Variants in GRM8 observed in about 807,000 individuals in gnomAD.
GRM8 encodes the protein metabotropic glutamate receptor 8.
Under a neutral mutation model 87.2 loss-of-function variants are expected in GRM8, and 47 were observed. The ratio of observed to expected loss-of-function variants is 0.54; its 90% CI spans 0.43 to 0.69. GRM8 has a LOEUF of 0.69. GRM8 is among the 30% of genes least tolerant of loss of function. The pLI, the probability that GRM8 is intolerant of heterozygous loss-of-function variation, is 0.00. For synonymous variants in GRM8, 396 were observed against 404.5 expected (o/e 0.98, Z 0.25); for missense variants, 1,019 against 1,139.2 (o/e 0.89, Z 1.52).
At chr7:126,755,286 T>A (rs888967023) in intron 7 of GRM8, among the ~76,000 whole-genome samples, 1 of 151,998 alleles carries the variant, frequency 6.6e-6, no homozygotes, top group African/African-American at 2.4e-5. Context: ...AGATAGTTTC[T>A]GTGTATAAGA....
intron 7 of GRM8, among the ~76,000 whole-genome samples, chr7:126,761,061 G>T (rs568520846): frequency 4.7e-4 from 72 of 152,086 alleles, no homozygotes; most frequent in Non-Finnish European, 9.6e-4. Context: ...TAGCCGGCTT[G>T]GCGGCATGCA....
intron 7 of GRM8, among the ~76,000 whole-genome samples, chr7:126,616,948 C>A (rs1226260103): frequency 6.6e-6 from 1 of 152,148 alleles, no homozygotes; most frequent in Admixed American, 6.5e-5. Context: ...ACCAGAGGTA[C>A]AATGAGGAGC....
rs5887316 is a variant in GRM8, at chr7:126,892,021, T to TAAAAAA, written c.1156+10515_1156+10520dup. ...ATATGAAGCTCATGTTCTTGCAGGG[T>TAAAAAA]AAAAAAAAAAAAAAAAAAAAAACCC... On this transcript the variant is annotated intron_variant, in intron 6 of 10. Transcript: ENST00000339582. Among the ~76,000 whole-genome samples, 96 of 95,052 alleles carry TAAAAAA rather than the reference T, an allele frequency of 1.0e-3. 4 individuals are homozygous for TAAAAAA. The highest frequency in any genetic ancestry group is 3.9e-3 in the African/African-American group (92 of 23,816). The allele number at this position is 95,052 out of a possible 152,430, so 62.4% of individuals were successfully genotyped here. A position where few individuals can be genotyped will look rare whatever the true frequency, so the allele number is the denominator to read the frequency against.
chr7:127,078,845 CA>C (rs1822557621), intron 3 of GRM8, among the ~76,000 whole-genome samples: 1 of 152,150 alleles, frequency 6.6e-6, no homozygotes, highest in Admixed American at 6.5e-5. Flanking sequence ...AGTAATTTTC[CA>C]AAGCTTTGTA....
chr7:126,926,421 C>G (rs1805127145), intron 3 of GRM8, among the ~76,000 whole-genome samples: 1 of 152,114 alleles, frequency 6.6e-6, no homozygotes, highest in Non-Finnish European at 1.5e-5. Flanking sequence ...CAAGTCTACT[C>G]CAGCCATCAT....
In GRM8 at chr7:126,753,157, A is replaced by G. The variant is rs940697384; in HGVS notation, c.1357+16708T>C. 3.9e-5 allele frequency among the ~76,000 whole-genome samples: 6 copies of G among 152,030 alleles called. No individual in the cohort carries two copies. In the South Asian group the frequency reaches 8.3e-4, roughly 21 times the overall value. On this transcript the variant is annotated intron_variant, in intron 7 of 10. Transcript: ENST00000339582. Reference sequence around the variant, plus strand: ...ACATAGAATTGAAAATTTTGGATCTAGTCCCAATTCCTTGACTATCTGTGA... The same window carrying G: ...ACATAGAATTGAAAATTTTGGATCTGGTCCCAATTCCTTGACTATCTGTGA...
At chr7:126,490,548 G>T (rs1449470775) in intron 9 of GRM8, among the ~76,000 whole-genome samples, 3 of 151,984 alleles carry the variant, frequency 2.0e-5, no homozygotes, top group Non-Finnish European at 2.9e-5. Flanking sequence ...TATGCCAATG[G>T]ACAAACGTTC....
In GRM8 at chr7:126,858,107, C is replaced by G. The variant is rs926013390; in HGVS notation, c.1156+44435G>C. On this transcript the variant is annotated intron_variant, in intron 6 of 10. Coordinates refer to ENST00000339582, the MANE Select transcript of GRM8 (RefSeq NM_000845.3). Reference sequence around the variant, plus strand: ...TTCACCCAGTTATTCAAGCCAAGAACTTGGTAATTAACCACTTCCCTTCAA... The same window carrying G: ...TTCACCCAGTTATTCAAGCCAAGAAGTTGGTAATTAACCACTTCCCTTCAA... Among the ~76,000 whole-genome samples the G allele has an allele frequency of 2.0e-5, 3 of 152,128 alleles. No homozygotes were observed. The East Asian group carries it at 5.8e-4, about 29-fold the overall frequency.
At chr7:127,207,836 T>C (rs1361230038) in intron 2 of GRM8, among the ~76,000 whole-genome samples, 2 of 152,044 alleles carry the variant, frequency 1.3e-5, no homozygotes, top group African/African-American at 2.4e-5. Flanking sequence ...AGATACCAAA[T>C]TATAAAGATT....
Position 126,468,151 on chromosome 7 carries a change from T to C in GRM8, c.2431-21779A>G, listed in dbSNP as rs41419944. On this transcript the variant is annotated intron_variant, in intron 9 of 10. Coordinates refer to ENST00000339582, the MANE Select transcript of GRM8 (RefSeq NM_000845.3). Reference sequence around the variant, plus strand: ...CACTTTGAATATCTGGTGTTGACCATAAAATTTCAATATCTGCCCTTATTG... The same window carrying C: ...CACTTTGAATATCTGGTGTTGACCACAAAATTTCAATATCTGCCCTTATTG... Among the ~76,000 whole-genome samples the C allele has an allele frequency of 9.1e-3, 1,389 of 152,170 alleles. 25 individuals carry two copies. Among genetic ancestry groups the C allele is most frequent in the African/African-American group, 0.032 (1,335 of 41,542 alleles).
At chr7:126,898,388 A>G (rs768106002) in intron 6 of GRM8, among the ~76,000 whole-genome samples, 9 of 152,194 alleles carry the variant, frequency 5.9e-5, no homozygotes, top group Non-Finnish European at 1.3e-4. Context: ...TTATCATCTG[A>G]AAACTGTCAT....
intron 6 of GRM8, among the ~76,000 whole-genome samples, chr7:126,870,901 A>G (rs1799038238): frequency 6.6e-6 from 1 of 152,208 alleles, no homozygotes; most frequent in Non-Finnish European, 1.5e-5. Flanking sequence ...ACTGCAAAGT[A>G]CAATAAAACA....
chr7:126,576,256 C>T (rs1169033162), intron 8 of GRM8, among the ~76,000 whole-genome samples: 2 of 152,036 alleles, frequency 1.3e-5, no homozygotes, highest in East Asian at 1.9e-4. Context: ...GTCATTTTCC[C>T]CAACTTTTTG....
chr7:126,651,794 G>A (rs1399237398), intron 7 of GRM8, among the ~76,000 whole-genome samples: 2 of 152,140 alleles, frequency 1.3e-5, no homozygotes, highest in Non-Finnish European at 2.9e-5. Flanking sequence ...AGAAGAGTAT[G>A]CATGGAATAC....
At chr7:127,240,662 T>A (rs1344977913) in intron 2 of GRM8, among the ~76,000 whole-genome samples, 1 of 152,188 alleles carries the variant, frequency 6.6e-6, no homozygotes, top group Non-Finnish European at 1.5e-5. Context: ...GTGATGTTTT[T>A]GAACCACAGT....
chr7:126,543,382 T>C (rs1222710451), intron 8 of GRM8, among the ~76,000 whole-genome samples: 4 of 152,206 alleles, frequency 2.6e-5, no homozygotes, highest in African/African-American at 4.8e-5. Flanking sequence ...TTCTGACACA[T>C]GCAAGTAATG....
intron 8 of GRM8, among the ~76,000 whole-genome samples, chr7:126,590,014 C>T (rs571508530): frequency 1.5e-4 from 23 of 151,728 alleles, no homozygotes; most frequent in Non-Finnish European, 3.2e-4. Context: ...AGTAATGGAT[C>T]CAAAGCATGA....
At chr7:126,921,260 G>C (rs1482960537) in intron 3 of GRM8, among the ~76,000 whole-genome samples, 18 of 152,120 alleles carry the variant, frequency 1.2e-4, no homozygotes, top group Admixed American at 7.2e-4. Flanking sequence ...AATTAAAAAG[G>C]AGATGATAGA....
At chr7:126,947,625 A>G (rs1807685917) in intron 3 of GRM8, among the ~76,000 whole-genome samples, 2 of 151,994 alleles carry the variant, frequency 1.3e-5, no homozygotes, top group Admixed American at 1.3e-4. Context: ...TATTGGACTT[A>G]TTTCTTAGGT....
Sources: gnomAD v4.1 joint callset for allele counts (sites outside exome capture counted in the v4.1 genomes callset) on GRCh38, gnomAD v4.1.1 for gene constraint, MANE v1.5 for transcripts, NCBI Gene and HGNC (gene_info 2026-07-23, HGNC 2026-07-21) for gene names.